The following HKDC1 variants were observed in gnomAD, a reference collection of about 807,000 sequenced individuals.
HKDC1 encodes hexokinase domain containing 1.
In HKDC1, 66 loss-of-function variants were observed where a neutral mutation model predicts 96.6. The ratio of observed to expected loss-of-function variants is 0.68; its 90% CI spans 0.56 to 0.84. The LOEUF (loss-of-function observed/expected upper bound fraction) is 0.84. HKDC1 is among the 40% of genes least tolerant of loss of function. The pLI, the probability that HKDC1 is intolerant of heterozygous loss-of-function variation, is 0.00. For missense variants in HKDC1, 1,211 were observed against 1,208.1 expected, an observed-to-expected ratio of 1.00 and a Z score of -0.04; for synonymous variants, 466 against 473.1, an observed-to-expected ratio of 0.98 and a Z score of 0.20.
chr10:69,221,557 A>C lies in HKDC1; in HGVS notation c.63+1059A>C, dbSNP rs530746627. Among the ~76,000 whole-genome samples, 9 of 152,244 alleles carry C rather than the reference A, an allele frequency of 5.9e-5. No individual in the cohort carries two copies. In the South Asian group the frequency reaches 1.5e-3, roughly 25 times the overall value. ...GTCACCAAGTATTTAGGATGGAATG[A>C]GGATTAAATCCAAGTTGGCTGACTC... On this transcript the variant is annotated intron_variant, in intron 1 of 17. Coordinates refer to ENST00000354624, the MANE Select transcript of HKDC1 (RefSeq NM_025130.4).
At chr10:69,266,489 C>T in intron 17 of HKDC1, 121 bp from the exon 18 acceptor site, 1 of 935,052 alleles carries the variant, frequency 1.1e-6, no homozygotes, top group Admixed American at 2.6e-5. Context: ...TTAGAAGAAG[C>T]TGTTTAGAGC....
At chr10:69,221,467 T>C (rs1007759094) in intron 1 of HKDC1, among the ~76,000 whole-genome samples, 1 of 152,024 alleles carries the variant, frequency 6.6e-6, no homozygotes, top group Non-Finnish European at 1.5e-5. Context: ...GTCACGGCCC[T>C]GGGCAAAAAG....
chr10:69,249,009 C>A (rs954436860), intron 10 of HKDC1: 19 of 296,876 alleles, frequency 6.4e-5, no homozygotes, highest in East Asian at 1.2e-4. Flanking sequence ...GAGTGTACCC[C>A]CCCCGACCCC....
At chr10:69,239,337 G>A (rs904279754) in intron 5 of HKDC1, among the ~76,000 whole-genome samples, 200 bp downstream of exon 5, 8 of 152,204 alleles carry the variant, frequency 5.3e-5, no homozygotes, top group African/African-American at 1.4e-4. Context: ...CTTGGTAGGC[G>A]GGGCTTGCAC....
Position 69,240,471 on chromosome 10 carries a change from G to A in HKDC1, c.592-181G>A, listed in dbSNP as rs576431754. 1.4e-4 allele frequency among the ~76,000 whole-genome samples: 22 copies of A among 152,178 alleles called. No individual in the cohort carries two copies. In the South Asian group the frequency reaches 3.7e-3, roughly 26 times the overall value. On this transcript the variant is annotated intron_variant, in intron 5 of 17. Transcript: ENST00000354624. ...TGGGCTCCCCTCTTCAGCTCCTGTCGGCTCTTTCTCTCCCCTAGACCCTGA... is the reference window on the plus strand; with the variant it reads ...TGGGCTCCCCTCTTCAGCTCCTGTCAGCTCTTTCTCTCCCCTAGACCCTGA...
At position 69,265,584 on chromosome 10, in the gene HKDC1, G is replaced by A. The variant is rs767269543; in HGVS notation, c.2373-1G>A. 7 of 1,613,476 alleles carry A rather than the reference G, an allele frequency of 4.3e-6. No homozygotes were observed. Among genetic ancestry groups the A allele is most frequent in the Non-Finnish European group, 4.2e-6 (5 of 1,179,858 alleles). Reference sequence around the variant, plus strand: ...CTGACTCCCTGCTCTATTGCCTGCAGCGATCGGCTGGCCCTTCTCCAGGTC... The same window carrying A: ...CTGACTCCCTGCTCTATTGCCTGCAACGATCGGCTGGCCCTTCTCCAGGTC... On this transcript the variant is annotated splice_acceptor_variant, in intron 16 of 17. Transcript: ENST00000354624. LOFTEE classifies it high-confidence loss of function.
At chr10:69,253,198 C>T (rs368205391) in intron 12 of HKDC1, among the ~76,000 whole-genome samples, 1 of 152,088 alleles carries the variant, frequency 6.6e-6, no homozygotes, top group Admixed American at 6.5e-5. Context: ...GGGCTAAGCT[C>T]TTAGACTCCC....
At chr10:69,264,836 T>A (rs1843866504) in intron 16 of HKDC1, among the ~76,000 whole-genome samples, 2 of 152,192 alleles carry the variant, frequency 1.3e-5, no homozygotes, top group Admixed American at 1.3e-4. Context: ...TCACATTGCT[T>A]GGTGTGGGAG....
intron 4 of HKDC1, among the ~76,000 whole-genome samples, chr10:69,234,104 G>A (rs1359967567): frequency 6.6e-6 from 1 of 152,060 alleles, no homozygotes; most frequent in Non-Finnish European, 1.5e-5. Context: ...GGGACGTTCT[G>A]GGGCCAGGTT....
At position 69,220,611 on chromosome 10, in the gene HKDC1, T is replaced by A. The variant is rs1843045007; in HGVS notation, c.63+113T>A. 3 of 663,992 alleles carry A rather than the reference T, an allele frequency of 4.5e-6. No homozygotes were observed. In the South Asian group the frequency reaches 6.7e-5, roughly 15 times the overall value. The allele number at this position is 663,992 out of a possible 1,614,324, so 41.1% of individuals were successfully genotyped here. On this transcript the variant is annotated intron_variant, in intron 1 of 17. Coordinates refer to ENST00000354624, the MANE Select transcript of HKDC1 (RefSeq NM_025130.4). ...GAAGAGAGCTTATTAGAAAAGATAC[T>A]GGGAGCATATGACCAGTAAAAGACT...
intron 5 of HKDC1, among the ~76,000 whole-genome samples, chr10:69,239,754 G>A (rs1350771603): frequency 7.7e-6 from 1 of 130,338 alleles, no homozygotes; most frequent in Non-Finnish European, 1.6e-5. Flanking sequence ...TTCCCTTATT[G>A]TTTTCATTTT....
At chr10:69,229,994 C>G (rs1843226065) in intron 2 of HKDC1, among the ~76,000 whole-genome samples, 3 of 152,146 alleles carry the variant, frequency 2.0e-5, no homozygotes, top group Admixed American at 2.0e-4. Flanking sequence ...AAAAAACAAG[C>G]AAAACTCTCC....
At chr10:69,246,692 C>A (rs1589411163) in intron 8 of HKDC1, among the ~76,000 whole-genome samples, 1 of 152,356 alleles carries the variant, frequency 6.6e-6, no homozygotes, top group South Asian at 2.1e-4. Flanking sequence ...CCATCAGGAA[C>A]TGGCTTTGAA....
rs1564739912 is a variant in HKDC1, at chr10:69,267,498, T to C, written c.*741T>C. 2.2e-6 allele frequency: 1 copy of C among 455,580 alleles called. No homozygotes were observed. Among genetic ancestry groups the C allele is most frequent in the Non-Finnish European group, 4.4e-6 (1 of 226,788 alleles). 28.2% of individuals were successfully genotyped at this position (455,580 alleles called of 1,614,324 possible). ...AGGTGTTGATAGTTGTTTTAAGGAT[T>C]GTTAGGTATAGGAAATCCAGTAAAT... On this transcript the variant is annotated 3_prime_UTR_variant, in exon 18 of 18. Transcript: ENST00000354624.
intron 12 of HKDC1, among the ~76,000 whole-genome samples, chr10:69,255,438 G>A (rs1000064595): frequency 6.6e-5 from 10 of 152,112 alleles, no homozygotes; most frequent in African/African-American, 2.4e-4. Flanking sequence ...ATCCAGCCAC[G>A]GGGCTGACGG....
intron 16 of HKDC1, among the ~76,000 whole-genome samples, chr10:69,262,962 C>G (rs146481886): frequency 8.6e-5 from 13 of 151,806 alleles, no homozygotes; most frequent in Non-Finnish European, 1.3e-4. Flanking sequence ...TGTTCCTAGA[C>G]AAGCACAAGG....
At chr10:69,229,933 C>G (rs1202753896) in intron 2 of HKDC1, among the ~76,000 whole-genome samples, 3 of 152,160 alleles carry the variant, frequency 2.0e-5, no homozygotes, top group African/African-American at 7.2e-5. Context: ...AATCTTGTCC[C>G]AAGTCCTCCT....
rs1843486190 is a variant in HKDC1 at position 69,243,333 on chromosome 10, G to A, written c.843G>A (p.Leu281=). The change falls in exon 7 of 18, where the codon CTG becomes CTA. Residue 281 remains leucine (L), a synonymous_variant. Transcript: ENST00000354624. ...TTCGCACTGAGTTCGACAGGGAGCT[G>A]GACCTCGGCTCTCTCAACCCAGGAA... is the stretch of plus-strand genomic sequence containing the variant. ...EDIRTEFDRE[L]DLGSLNPGKQ... 1 of 1,604,524 alleles carries A rather than the reference G, an allele frequency of 6.2e-7. No homozygotes were observed. The highest frequency in any genetic ancestry group is 1.3e-5 in the African/African-American group (1 of 74,674).
At position 69,251,149 on chromosome 10, in the gene HKDC1, C is replaced by A. The variant is rs1843637795; in HGVS notation, c.1836+497C>A. On this transcript the variant is annotated intron_variant, in intron 12 of 17. Coordinates refer to ENST00000354624, the MANE Select transcript of HKDC1 (RefSeq NM_025130.4). ...TGCTCTTGTCACCCAGGCTGGAGTG[C>A]AAGGGCGTGATCTCGGCTCACTGCA... Among the ~76,000 whole-genome samples the A allele has an allele frequency of 3.0e-5, 4 of 134,148 alleles. No individual in the cohort carries two copies. The South Asian group carries it at 9.5e-4, about 32-fold the overall frequency. 88.0% of individuals were successfully genotyped at this position (134,148 alleles called of 152,430 possible). A position where few individuals can be genotyped will look rare whatever the true frequency, so the allele number is the denominator to read the frequency against.
Sources: allele counts gnomAD v4.1 joint callset (sites outside exome capture counted in the v4.1 genomes callset), GRCh38; gene constraint gnomAD v4.1.1; transcripts MANE v1.5; gene names NCBI Gene and HGNC (gene_info 2026-07-23, HGNC 2026-07-21).